ABR: variants seen among roughly 807,000 people sequenced by gnomAD.
The protein encoded by ABR is active breakpoint cluster region-related protein.
In ABR, 35 loss-of-function variants were observed where a neutral mutation model predicts 107.2. The observed-to-expected ratio is 0.33, with a 90% CI of 0.25 to 0.43. ABR has a LOEUF of 0.43. Among genes scored for constraint, ABR ranks in the 20% least tolerant of loss-of-function variants. The probability of loss-of-function intolerance (pLI) is 1.00; values close to 1 mark genes in which losing one functional copy is unlikely to be tolerated. For missense variants in ABR, 815 were observed against 1,115.2 expected (o/e 0.73, Z 3.83); for synonymous variants, 498 against 462.0 (o/e 1.08, Z -1.00).
rs890316988 is a variant in ABR, at chr17:1,176,102, A to C, written c.61+3565T>G. ...AAAGAGCGAGACTCCGTGTCAAAAA[A>C]AAAAAAGAAGTGTGTGAGGGGAGGG... is the stretch of plus-strand genomic sequence containing the variant. On this transcript the variant is annotated intron_variant, in intron 1 of 22. Transcript: ENST00000302538. 3.2e-4 allele frequency among the ~76,000 whole-genome samples: 49 copies of C among 151,940 alleles called. 2 individuals carry two copies. The highest frequency in any genetic ancestry group is 2.6e-4 in the Non-Finnish European group (18 of 67,930).
chr17:1,080,354 C>CG (rs555606448), intron 5 of ABR, among the ~76,000 whole-genome samples: 57 of 152,294 alleles, frequency 3.7e-4, no homozygotes, highest in Middle Eastern at 3.4e-3. Flanking sequence ...GAAAGACCCC[C>CG]GGGATGACTC....
At chr17:1,064,760 T>C (rs372150046) in intron 10 of ABR, among the ~76,000 whole-genome samples, 32 of 112,120 alleles carry the variant, frequency 2.9e-4, no homozygotes, top group African/African-American at 7.8e-4. Context: ...ACTGTTGTTA[T>C]GTGAACTGAG....
chr17:1,224,866 C>G (rs1421847905), intron 1 of ABR, among the ~76,000 whole-genome samples: 1 of 152,088 alleles, frequency 6.6e-6, no homozygotes, highest in African/African-American at 2.4e-5. Context: ...GAAATGGGGT[C>G]TCACCGGGTG....
chr17:1,088,506 A>G (rs2036784417), intron 4 of ABR, among the ~76,000 whole-genome samples: 1 of 151,200 alleles, frequency 6.6e-6, no homozygotes, highest in Non-Finnish European at 1.5e-5. Context: ...GGCACTGATG[A>G]TAATGACCAG....
Position 1,179,621 on chromosome 17 carries a change from G to T in ABR, c.61+46C>A. 1 of 1,468,762 alleles carries T rather than the reference G, an allele frequency of 6.8e-7. No homozygotes were observed. The highest frequency in any genetic ancestry group is 9.0e-7 in the Non-Finnish European group (1 of 1,105,508). 91.0% of individuals were successfully genotyped at this position (1,468,762 alleles called of 1,614,324 possible). The stretch of plus-strand genomic sequence containing the variant: ...CTGGGGTCCCGATCTCCATCCTGGG[G>T]TCCCGATCCCGATCCTGGGGTCCCG... On this transcript the variant is annotated intron_variant, in intron 1 of 22. Transcript: ENST00000302538. The surrounding 1 kb of genome is among the most constrained non-coding windows in gnomAD (Gnocchi z 4.9).
At chr17:1,016,923 C>G (rs184380930) in intron 16 of ABR, among the ~76,000 whole-genome samples, 9 of 152,158 alleles carry the variant, frequency 5.9e-5, no homozygotes, top group Non-Finnish European at 1.2e-4. Context: ...GAAACTGGAT[C>G]TGGGTCAGCC....
chr17:1,134,671 G>C lies in ABR; in HGVS notation c.62-9304C>G, dbSNP rs571916043. Among the ~76,000 whole-genome samples the C allele has an allele frequency of 1.5e-3, 225 of 152,324 alleles. 2 individuals are homozygous for C. The highest frequency in any genetic ancestry group is 5.2e-3 in the African/African-American group (217 of 41,582). ...GCTACGACAGAGGCCTCAAAGGCCC[G>C]GCAAGGCGGACCGGAGGGTGTGGGC... On this transcript the variant is annotated intron_variant, in intron 1 of 22. Transcript: ENST00000302538.
intron 1 of ABR, among the ~76,000 whole-genome samples, chr17:1,138,544 C>T (rs138848256): frequency 2.8e-3 from 422 of 152,192 alleles, no homozygotes; most frequent in African/African-American, 9.3e-3. Context: ...GTGGCACAAA[C>T]ATAGCTCATT....
chr17:1,085,144 G>A (rs1204168257), intron 4 of ABR, among the ~76,000 whole-genome samples: 9 of 115,642 alleles, frequency 7.8e-5, no homozygotes, highest in Admixed American at 3.3e-4. Flanking sequence ...ATGGAGTCTC[G>A]CTCTGTCACC....
chr17:1,013,014 C>T, intron 17 of ABR, 91 bp downstream of exon 17: 6 of 1,488,032 alleles, frequency 4.0e-6, no homozygotes, highest in Non-Finnish European at 5.6e-6. Flanking sequence ...ACAGCGGCCC[C>T]AGGAGCAGCC....
chr17:1,103,131 G>GC (rs2038016432), intron 2 of ABR, among the ~76,000 whole-genome samples: 2 of 152,144 alleles, frequency 1.3e-5, no homozygotes, highest in African/African-American at 4.8e-5. Context: ...TCAGGCAAGG[G>GC]CAATAGTTAC....
intron 1 of ABR, among the ~76,000 whole-genome samples, chr17:1,152,909 C>T (rs2040857791): frequency 6.6e-6 from 1 of 152,080 alleles, no homozygotes; most frequent in African/African-American, 2.4e-5. Flanking sequence ...GCCTGGCCAA[C>T]ACAGTGAAAC....
intron 1 of ABR, among the ~76,000 whole-genome samples, chr17:1,173,260 C>A (rs2041803984): frequency 7.2e-6 from 1 of 139,858 alleles, no homozygotes; most frequent in Non-Finnish European, 1.6e-5. Flanking sequence ...TCACCTCAGC[C>A]CACCCAACAC....
Position 1,108,845 on chromosome 17 carries a change from C to T in ABR, c.247-8110G>A, listed in dbSNP as rs1284595954. The T allele has an allele frequency of 2.1e-6, 3 of 1,428,340 alleles. No individual in the cohort carries two copies. The East Asian group carries it at 8.7e-5, about 42-fold the overall frequency. 88.5% of individuals were successfully genotyped at this position (1,428,340 alleles called of 1,614,324 possible). A position where few individuals can be genotyped will look rare whatever the true frequency, so the allele number is the denominator to read the frequency against. ...CCGAGGGCTTCCACCCGGCCGCGCG[C>T]TCTGCGCCCGCATCAGCCATTTCTC... On this transcript the variant is annotated intron_variant, in intron 2 of 22. Coordinates refer to ENST00000302538, the MANE Select transcript of ABR (RefSeq NM_021962.5).
intron 1 of ABR, among the ~76,000 whole-genome samples, chr17:1,213,719 T>G (rs1227712053): frequency 6.6e-6 from 1 of 151,812 alleles, no homozygotes; most frequent in Non-Finnish European, 1.5e-5. Flanking sequence ...TCCTAAGTCC[T>G]TCTGTGCTAG....
chr17:1,005,962 TC>T lies in ABR; in HGVS notation c.*117del. On this transcript the variant is annotated 3_prime_UTR_variant, in exon 23 of 23. Coordinates refer to ENST00000302538, the MANE Select transcript of ABR (RefSeq NM_021962.5). ...GCATTCCAGTTCTTGGAAGCTGGCT[TC>T]CCTCGAGTCTGGAGTGCTGGGTTTG... is the stretch of plus-strand genomic sequence containing the variant. 1 of 949,580 alleles carries T rather than the reference TC, an allele frequency of 1.1e-6. No homozygotes were observed. The highest frequency in any genetic ancestry group is 1.6e-6 in the Non-Finnish European group (1 of 613,440). 58.8% of individuals were successfully genotyped at this position (949,580 alleles called of 1,614,324 possible). A position where few individuals can be genotyped will look rare whatever the true frequency, so the allele number is the denominator to read the frequency against.
chr17:1,220,830 C>T (rs1205868025), intron 1 of ABR, among the ~76,000 whole-genome samples: 1 of 152,120 alleles, frequency 6.6e-6, no homozygotes, highest in Non-Finnish European at 1.5e-5. Context: ...AGGAACTTAT[C>T]GAGTGCCGGC....
intron 1 of ABR, among the ~76,000 whole-genome samples, chr17:1,173,442 GAAGC>G (rs1396697232): frequency 6.2e-5 from 9 of 144,346 alleles, no homozygotes; most frequent in Non-Finnish European, 1.1e-4. Context: ...GGGTTGTCTT[GAAGC>G]CGCCTGCCCT....
rs1441931315 is a variant in ABR, at chr17:1,092,205, A to G, written c.346-355T>C. 6.6e-6 allele frequency among the ~76,000 whole-genome samples: 1 copy of G among 152,134 alleles called. No homozygotes were observed. The highest frequency in any genetic ancestry group is 1.5e-5 in the Non-Finnish European group (1 of 68,026). On this transcript the variant is annotated intron_variant, in intron 3 of 22. Transcript: ENST00000302538. This position sits in a 1 kb window ranked among gnomAD's most constrained non-coding sequence, Gnocchi z 4.6. ...CCCCGAGTCATAAGCTCCTTGTCAC[A>G]CTTCAGTGGAAGGGAGGGTTGACAG... is the stretch of plus-strand genomic sequence containing the variant.
Sources: gnomAD v4.1 joint callset for allele counts (sites outside exome capture counted in the v4.1 genomes callset) on GRCh38, gnomAD v4.1.1 for gene constraint, Gnocchi (gnomAD v3.1) non-coding constraint, MANE v1.5 for transcripts, NCBI Gene and HGNC (gene_info 2026-07-23, HGNC 2026-07-21) for gene names.